ZFAND5: variants seen among roughly 807,000 people sequenced by gnomAD.
ZFAND5 encodes the protein zinc finger AN1-type containing 5.
ZFAND5 carries 4 observed loss-of-function variants against 23.6 expected under a neutral mutation model. The observed-to-expected ratio is 0.17, with a 90% CI of 0.08 to 0.39. The LOEUF is 0.39. ZFAND5 is among the 10% of genes least tolerant of loss of function. ZFAND5 has a pLI of 1.00. For synonymous variants in ZFAND5, 68 were observed against 80.6 expected, an observed-to-expected ratio of 0.84 and a Z score of 0.84; for missense variants, 161 against 253.7, an observed-to-expected ratio of 0.63 and a Z score of 2.48.
intron 1 of ZFAND5, chr9:72,364,427 C>G: frequency 7.9e-7 from 1 of 1,262,378 alleles, no homozygotes; most frequent in Non-Finnish European, 1.0e-6. Flanking sequence ...GAGGCCGGCC[C>G]CGCAGAGGCG....
chr9:72,364,360 T>C (rs1435005611), intron 1 of ZFAND5: 55 of 1,136,762 alleles, frequency 4.8e-5, no homozygotes, highest in Middle Eastern at 6.3e-4. Flanking sequence ...CTCGGCCTCT[T>C]TGTTTCTCTG....
Position 72,356,965 on chromosome 9 carries a change from T to C in ZFAND5, c.459A>G (p.Arg153=). 1.9e-6 allele frequency: 3 copies of C among 1,613,294 alleles called. No homozygotes were observed. The highest frequency in any genetic ancestry group is 2.5e-6 in the Non-Finnish European group (3 of 1,179,756). ...CAACTTTCTTTCTGCACATGAAACA[T>C]CTGTTTTTCTTTGGTTTGGGCAATT... The part of the protein sequence containing the change: ...APELPKPKKN[R]CFMCRKKVGL... Residue 153 remains arginine (R), a synonymous_variant, in exon 6 of 7, where the codon AGA becomes AGG. Transcript: ENST00000376962.
intron 2 of ZFAND5, among the ~76,000 whole-genome samples, chr9:72,361,706 C>T (rs1468334207): frequency 1.3e-5 from 2 of 152,152 alleles, no homozygotes; most frequent in African/African-American, 4.8e-5. Context: ...ATTTGCTTTT[C>T]TAAAAGTCTT....
chr9:72,357,132 G>C (rs770177191), intron 5 of ZFAND5, 76 bp from the exon 6 acceptor site: 57 of 1,542,846 alleles, frequency 3.7e-5, no homozygotes, highest in Non-Finnish European at 4.8e-5. Flanking sequence ...AAGTATTTAA[G>C]AGAAACAGGA....
chr9:72,363,657 G>A (rs1842166378), intron 1 of ZFAND5, 51 bp from the exon 2 acceptor site: 4 of 983,300 alleles, frequency 4.1e-6, no homozygotes, highest in African/African-American at 3.5e-5. Context: ...AATTTTTTAG[G>A]GGGGTGTGGG....
intron 5 of ZFAND5, among the ~76,000 whole-genome samples, chr9:72,357,684 A>C (rs1198462914): frequency 1.3e-5 from 2 of 152,154 alleles, no homozygotes; most frequent in African/African-American, 4.8e-5. Context: ...ACAGATCGGC[A>C]AACAGTCTTT....
At chr9:72,361,876 A>C (rs1043411970) in intron 2 of ZFAND5, among the ~76,000 whole-genome samples, 5 of 152,252 alleles carry the variant, frequency 3.3e-5, no homozygotes, top group Non-Finnish European at 5.9e-5. Context: ...ATTTGCTTAA[A>C]GGAAAATTCG....
At chr9:72,361,613 C>T (rs1245269453) in intron 2 of ZFAND5, among the ~76,000 whole-genome samples, 2 of 152,138 alleles carry the variant, frequency 1.3e-5, no homozygotes, top group African/African-American at 4.8e-5. Context: ...TCAATATATA[C>T]ACATAACCTT....
chr9:72,356,132 G>A (rs754679686), intron 6 of ZFAND5, 31 bp from the exon 7 acceptor site: 2 of 1,583,180 alleles, frequency 1.3e-6, no homozygotes, highest in Non-Finnish European at 1.7e-6. Flanking sequence ...AGTCATTTGA[G>A]AACTTGAGGC....
At chr9:72,357,122 A>T in intron 5 of ZFAND5, 66 bp from the exon 6 acceptor site, 1 of 1,576,076 alleles carries the variant, frequency 6.3e-7, no homozygotes, top group Non-Finnish European at 8.6e-7. Context: ...TCAAAAAAGG[A>T]AGTATTTAAG....
chr9:72,363,037 A>G (rs996433203), intron 2 of ZFAND5, among the ~76,000 whole-genome samples: 3 of 152,196 alleles, frequency 2.0e-5, no homozygotes, highest in Admixed American at 6.5e-5. Flanking sequence ...GAAAAACTAC[A>G]GAACAATCTC....
chr9:72,360,279 T>C, intron 3 of ZFAND5, 58 bp from the exon 4 acceptor site: 1 of 1,390,240 alleles, frequency 7.2e-7, no homozygotes, highest in African/African-American at 1.4e-5. Context: ...TCACTTAGTA[T>C]CAAGACGTAG....
rs1020702736 is a variant in ZFAND5 at position 72,354,108 on chromosome 9, A to C, written c.*1845T>G. The C allele has an allele frequency of 6.6e-6, 1 of 152,194 alleles. No individual in the cohort carries two copies. The highest frequency in any genetic ancestry group is 2.4e-5 in the African/African-American group (1 of 41,442). The allele number at this position is 152,194 out of a possible 1,614,324, so 9.4% of individuals were successfully genotyped here. On this transcript the variant is annotated 3_prime_UTR_variant, in exon 7 of 7. Coordinates refer to ENST00000376962, the MANE Select transcript of ZFAND5 (RefSeq NM_001102420.3). ...TAGAGCCAAACCCAAAACAGAAATA[A>C]AACAGAACTCTTTTTGTAAACTAAG...
intron 5 of ZFAND5, among the ~76,000 whole-genome samples, chr9:72,357,977 C>T (rs1004320268): frequency 3.3e-5 from 5 of 152,076 alleles, no homozygotes; most frequent in Non-Finnish European, 5.9e-5. Context: ...TTCAACTACA[C>T]CTGAAACACT....
At chr9:72,364,644 C>G in intron 1 of ZFAND5, 52 bp downstream of exon 1, 4 of 1,161,942 alleles carry the variant, frequency 3.4e-6, no homozygotes, top group African/African-American at 1.7e-5. Context: ...ACTCCCGCCC[C>G]CGGCCCGGCA....
chr9:72,364,710 A>G lies in ZFAND5; in HGVS notation c.-161T>C. 1.2e-6 allele frequency: 1 copy of G among 849,976 alleles called. No homozygotes were observed. Among genetic ancestry groups the G allele is most frequent in the African/African-American group, 1.9e-5 (1 of 53,180 alleles). The allele number at this position is 849,976 out of a possible 1,614,324, so 52.7% of individuals were successfully genotyped here. A position where few individuals can be genotyped will look rare whatever the true frequency, so the allele number is the denominator to read the frequency against. ...GTATCACTCACCCTGCAGGGTCCCA[A>G]ATGCGAAAGCCGGGTTCGCGCGCGA... On this transcript the variant is annotated 5_prime_UTR_variant, in exon 1 of 7. Coordinates refer to ENST00000376962, the MANE Select transcript of ZFAND5 (RefSeq NM_001102420.3).
At chr9:72,364,537 T>C (rs1325526987) in intron 1 of ZFAND5, 159 bp downstream of exon 1, 3 of 1,278,724 alleles carry the variant, frequency 2.3e-6, no homozygotes, top group African/African-American at 3.2e-5. Flanking sequence ...TCCGTCTTTG[T>C]GCTTCCTGGG....
rs1841830299 is a variant in ZFAND5 at position 72,353,373 on chromosome 9, A to AG, written c.*2579_*2580insC. ...TTTCTTGTAAAACAAACAAACAAAA[A>AG]AAAAACAAAAAAAACTGATTGGCCG... On this transcript the variant is annotated 3_prime_UTR_variant, in exon 7 of 7. Coordinates refer to ENST00000376962, the MANE Select transcript of ZFAND5 (RefSeq NM_001102420.3). 1 of 152,170 alleles carries AG rather than the reference A, an allele frequency of 6.6e-6. No homozygotes were observed. The highest frequency in any genetic ancestry group is 2.4e-5 in the African/African-American group (1 of 41,406). The allele number at this position is 152,170 out of a possible 1,614,324, so 9.4% of individuals were successfully genotyped here. A position where few individuals can be genotyped will look rare whatever the true frequency, so the allele number is the denominator to read the frequency against.
intron 1 of ZFAND5, chr9:72,364,459 G>T (rs2131990059): frequency 1.6e-6 from 2 of 1,275,616 alleles, no homozygotes; most frequent in Non-Finnish European, 1.0e-6. Context: ...ATTGTTTCCC[G>T]ACCGTGCTGT....
Sources: gnomAD v4.1 joint callset for allele counts (sites outside exome capture counted in the v4.1 genomes callset) on GRCh38, gnomAD v4.1.1 for gene constraint, MANE v1.5 for transcripts, NCBI Gene and HGNC (gene_info 2026-07-23, HGNC 2026-07-21) for gene names.